Variants in SESTD1 observed in about 807,000 individuals in gnomAD.
SESTD1 encodes SEC14 and spectrin domain containing 1, also known as SEC14 domain and spectrin repeat-containing protein 1.
Under a neutral mutation model 101.7 loss-of-function variants are expected in SESTD1, and 43 were observed. That is an observed-to-expected ratio of 0.42 (90% CI 0.33 to 0.55). SESTD1 has a LOEUF of 0.55. Among genes scored for constraint, SESTD1 ranks in the 20% least tolerant of loss-of-function variants. The pLI, the probability that SESTD1 is intolerant of heterozygous loss-of-function variation, is 0.07. For synonymous variants in SESTD1, 283 were observed against 286.8 expected (o/e 0.99, Z 0.13); for missense variants, 647 against 815.1 (o/e 0.79, Z 2.51).
At chr2:179,119,846 T>C (rs888591922) in intron 13 of SESTD1, among the ~76,000 whole-genome samples, 1 of 152,114 alleles carries the variant, frequency 6.6e-6, no homozygotes, top group East Asian at 1.9e-4. Flanking sequence ...TCACCTTCCA[T>C]CATGAGTGGA....
At chr2:179,239,296 A>C (rs1422893145) in intron 1 of SESTD1, among the ~76,000 whole-genome samples, 15 of 152,166 alleles carry the variant, frequency 9.9e-5, no homozygotes, top group Non-Finnish European at 2.2e-4. Context: ...GTCTACAGAA[A>C]TTTAATTACT....
At chr2:179,241,909 G>A (rs1275474550) in intron 1 of SESTD1, among the ~76,000 whole-genome samples, 21 of 146,442 alleles carry the variant, frequency 1.4e-4, no homozygotes, top group African/African-American at 4.0e-4. Context: ...GTGAAAGAGC[G>A]AGACATTGTC....
At chr2:179,161,394 A>G (rs906680125) in intron 5 of SESTD1, among the ~76,000 whole-genome samples, 2 of 152,232 alleles carry the variant, frequency 1.3e-5, no homozygotes, top group African/African-American at 4.8e-5. Flanking sequence ...GATTACACAT[A>G]CATCACATTC....
At chr2:179,128,357 G>C (rs1429604344) in intron 10 of SESTD1, among the ~76,000 whole-genome samples, 2 of 152,108 alleles carry the variant, frequency 1.3e-5, no homozygotes, top group Non-Finnish European at 2.9e-5. Flanking sequence ...TAGTCTCTCT[G>C]GGATGTGGAG....
intron 5 of SESTD1, among the ~76,000 whole-genome samples, chr2:179,163,014 G>A (rs1439062078): frequency 6.6e-6 from 1 of 151,300 alleles, no homozygotes; most frequent in East Asian, 1.9e-4. Context: ...AAGAATAAAG[G>A]CAAATAATTG....
At position 179,163,556 on chromosome 2, in the gene SESTD1, A is replaced by G. The variant is rs549566638; in HGVS notation, c.369+8564T>C. On this transcript the variant is annotated intron_variant, in intron 5 of 17. Transcript: ENST00000428443. ...AAAGGGAACAAGAATAAAAATATGT[A>G]TATTATATATATATATAAAAGAAGG... Among the ~76,000 whole-genome samples the G allele has an allele frequency of 2.3e-4, 35 of 149,446 alleles. 1 individual carries two copies. In the South Asian group the frequency reaches 7.1e-3, roughly 30 times the overall value.
Position 179,216,267 on chromosome 2 carries a change from C to G in SESTD1, c.-25-24401G>C, listed in dbSNP as rs764269370. 4.4e-5 allele frequency among the ~76,000 whole-genome samples: 6 copies of G among 135,402 alleles called. 1 individual carries two copies. Among genetic ancestry groups the G allele is most frequent in the Non-Finnish European group, 6.4e-5 (4 of 62,898 alleles). 88.8% of individuals were successfully genotyped at this position (135,402 alleles called of 152,430 possible). A position where few individuals can be genotyped will look rare whatever the true frequency, so the allele number is the denominator to read the frequency against. Reference sequence around the variant, plus strand: ...TGTCTCAGCCCAAAATCTCCTTAAGCTGATAAGCAACTTCAGCAAAGTCTC... The same window carrying G: ...TGTCTCAGCCCAAAATCTCCTTAAGGTGATAAGCAACTTCAGCAAAGTCTC... On this transcript the variant is annotated intron_variant, in intron 1 of 17. Coordinates refer to ENST00000428443, the MANE Select transcript of SESTD1 (RefSeq NM_178123.5).
At chr2:179,249,406 T>C (rs2047281553) in intron 1 of SESTD1, among the ~76,000 whole-genome samples, 1 of 151,934 alleles carries the variant, frequency 6.6e-6, no homozygotes, top group Non-Finnish European at 1.5e-5. Context: ...TAAAAAACAA[T>C]ACCATTTATA....
intron 2 of SESTD1, among the ~76,000 whole-genome samples, chr2:179,187,431 C>A (rs2046250924): frequency 6.6e-6 from 1 of 152,070 alleles, no homozygotes; most frequent in African/African-American, 2.4e-5. Flanking sequence ...TTGAAACTAG[C>A]CTGGGCAATA....
chr2:179,235,868 G>T (rs187407984), intron 1 of SESTD1, among the ~76,000 whole-genome samples: 27 of 152,272 alleles, frequency 1.8e-4, no homozygotes, highest in East Asian at 1.7e-3. Context: ...TTGCAATACT[G>T]TTTCACGGTT....
chr2:179,136,843 C>T (rs2045156885), intron 9 of SESTD1, among the ~76,000 whole-genome samples: 1 of 151,964 alleles, frequency 6.6e-6, no homozygotes, highest in African/African-American at 2.4e-5. Flanking sequence ...TTAAATAAAG[C>T]AAAGATATCT....
intron 1 of SESTD1, among the ~76,000 whole-genome samples, chr2:179,207,900 G>A (rs1415163542): frequency 7.4e-6 from 1 of 134,878 alleles, no homozygotes; most frequent in Non-Finnish European, 1.6e-5. Flanking sequence ...GCCAGATAAA[G>A]AATCAGAAGG....
chr2:179,135,316 T>C (rs1226927227), intron 9 of SESTD1, among the ~76,000 whole-genome samples: 1 of 152,304 alleles, frequency 6.6e-6, no homozygotes, highest in East Asian at 1.9e-4. Flanking sequence ...TTTTAAAGAT[T>C]AGTGATTGAA....
chr2:179,115,859 A>AGAAAGAAT lies in SESTD1; in HGVS notation c.1648-611_1648-604dup, dbSNP rs368973508. On this transcript the variant is annotated intron_variant, in intron 15 of 17. Transcript: ENST00000428443. ...GCAGTCTGCTTAAATTTCACTGGCC[A>AGAAAGAAT]GAAAGAATGTCTGCTTATGAATTAA... Among the ~76,000 whole-genome samples the AGAAAGAAT allele has an allele frequency of 4.3e-3, 661 of 152,326 alleles. 8 individuals are homozygous for AGAAAGAAT. The highest frequency in any genetic ancestry group is 0.015 in the African/African-American group (628 of 41,564).
chr2:179,152,095 T>C (rs187553063), intron 5 of SESTD1, among the ~76,000 whole-genome samples: 8 of 152,280 alleles, frequency 5.3e-5, no homozygotes, highest in Admixed American at 6.5e-5. Flanking sequence ...AAGAAAGATA[T>C]TCAAATGGTA....
Position 179,131,405 on chromosome 2 carries a change from G to A in SESTD1, c.972+899C>T, listed in dbSNP as rs540376568. On this transcript the variant is annotated intron_variant, in intron 10 of 17. Transcript: ENST00000428443. ...TTCCTAATACTATCCAACATAATTAGAGGAAAGAAGAAACGTTGCAGAAAT... is the reference window on the plus strand; with the variant it reads ...TTCCTAATACTATCCAACATAATTAAAGGAAAGAAGAAACGTTGCAGAAAT... Among the ~76,000 whole-genome samples the A allele has an allele frequency of 1.2e-4, 19 of 152,224 alleles. No homozygotes were observed. In the East Asian group the frequency reaches 2.5e-3, roughly 20 times the overall value.
At chr2:179,259,391 G>A (rs759395398) in intron 1 of SESTD1, among the ~76,000 whole-genome samples, 4 of 152,092 alleles carry the variant, frequency 2.6e-5, no homozygotes, top group South Asian at 2.1e-4. Context: ...CACGACACCC[G>A]ACTAATTTTT....
chr2:179,170,193 C>T (rs2045906342), intron 5 of SESTD1, among the ~76,000 whole-genome samples: 1 of 150,646 alleles, frequency 6.6e-6, no homozygotes, highest in Admixed American at 6.6e-5. Flanking sequence ...TGTTTCTCCA[C>T]CTGTGAAATC....
intron 1 of SESTD1, among the ~76,000 whole-genome samples, chr2:179,238,437 A>C (rs1328391923): frequency 1.3e-5 from 2 of 152,180 alleles, no homozygotes; most frequent in African/African-American, 4.8e-5. Context: ...TTCCATAAAA[A>C]TATATATTAA....
Sources: allele counts gnomAD v4.1 joint callset (sites outside exome capture counted in the v4.1 genomes callset), GRCh38; gene constraint gnomAD v4.1.1; transcripts MANE v1.5; gene names NCBI Gene and HGNC (gene_info 2026-07-23, HGNC 2026-07-21).